The following AGPAT4 variants were observed in gnomAD, a reference collection of about 807,000 sequenced individuals.
AGPAT4 encodes the protein 1-acylglycerol-3-phosphate O-acyltransferase 4.
In AGPAT4, 15 loss-of-function variants were observed where a neutral mutation model predicts 48.0. The ratio of observed to expected loss-of-function variants is 0.31; its 90% CI spans 0.21 to 0.48. AGPAT4 has a LOEUF of 0.48. Among genes scored for constraint, AGPAT4 ranks in the 20% least tolerant of loss-of-function variants. The probability of loss-of-function intolerance (pLI) is 0.99; values close to 1 mark genes in which losing one functional copy is unlikely to be tolerated. For synonymous variants in AGPAT4, 178 were observed against 198.7 expected (o/e 0.90, Z 0.88); for missense variants, 314 against 482.5 (o/e 0.65, Z 3.27).
chr6:161,168,703 C>T (rs1780181497), intron 2 of AGPAT4, among the ~76,000 whole-genome samples: 1 of 152,176 alleles, frequency 6.6e-6, no homozygotes, highest in African/African-American at 2.4e-5. Context: ...ATCCTGGCAC[C>T]CCTCCAGCTT....
rs905735649 is a variant in AGPAT4, at chr6:161,142,538, G to A, written c.844-2918C>T. On this transcript the variant is annotated intron_variant, in intron 7 of 8. Coordinates refer to ENST00000320285, the MANE Select transcript of AGPAT4 (RefSeq NM_020133.3). This position sits in a 1 kb window ranked among gnomAD's most constrained non-coding sequence, Gnocchi z 6.4. ...TCCTATTGAGAGGCGGCAGATCCCC[G>A]GACGAACGCCCCCTGCAGCCCGCAA... Among the ~76,000 whole-genome samples the A allele has an allele frequency of 2.0e-5, 3 of 152,122 alleles. No homozygotes were observed. Among genetic ancestry groups the A allele is most frequent in the Non-Finnish European group, 4.4e-5 (3 of 68,040 alleles).
In AGPAT4 at chr6:161,203,388, T is replaced by C. The variant is rs1458290913; in HGVS notation, c.178+28648A>G. Among the ~76,000 whole-genome samples the C allele has an allele frequency of 7.6e-4, 111 of 146,160 alleles. 2 individuals carry two copies. The highest frequency in any genetic ancestry group is 1.6e-3 in the African/African-American group (65 of 40,038). On this transcript the variant is annotated intron_variant, in intron 2 of 8. Transcript: ENST00000320285. Reference sequence around the variant, plus strand: ...AGAGTGTTCTTTTTCTTTCTTTTTTTTTTTTTTTTTTTTTTTTGAGACAGA... The same window carrying C: ...AGAGTGTTCTTTTTCTTTCTTTTTTCTTTTTTTTTTTTTTTTTGAGACAGA...
intron 1 of AGPAT4, among the ~76,000 whole-genome samples, chr6:161,252,874 G>A (rs1322538272): frequency 6.6e-6 from 1 of 152,014 alleles, no homozygotes; most frequent in African/African-American, 2.4e-5. Flanking sequence ...AAAACAATGA[G>A]GAAGTGTGTT....
chr6:161,144,391 T>C lies in AGPAT4; in HGVS notation c.843+2133A>G, dbSNP rs1471102881. ...CATCAGTAGTGTAAGAGCTTTGGAGTAGATGATCACTTTGAGAACCCTACC... is the reference window on the plus strand; with the variant it reads ...CATCAGTAGTGTAAGAGCTTTGGAGCAGATGATCACTTTGAGAACCCTACC... On this transcript the variant is annotated intron_variant, in intron 7 of 8. Coordinates refer to ENST00000320285, the MANE Select transcript of AGPAT4 (RefSeq NM_020133.3). The surrounding 1 kb of genome is among the most constrained non-coding windows in gnomAD (Gnocchi z 6.6). 8.7e-6 allele frequency: 3 copies of C among 342,918 alleles called. No homozygotes were observed. The highest frequency in any genetic ancestry group is 1.7e-5 in the Non-Finnish European group (3 of 171,474). The allele number at this position is 342,918 out of a possible 1,614,324, so 21.2% of individuals were successfully genotyped here.
rs1025065123 is a variant in AGPAT4 at position 161,235,225 on chromosome 6, A to G, written c.-89-2923T>C. On this transcript the variant is annotated intron_variant, in intron 1 of 8. Coordinates refer to ENST00000320285, the MANE Select transcript of AGPAT4 (RefSeq NM_020133.3). The surrounding 1 kb of genome is among the most constrained non-coding windows in gnomAD (Gnocchi z 6.2). Reference sequence around the variant, plus strand: ...TCTGCACCTCAGTTTTTCTATCAGTAAAAAGGGACAACAGATTCTAATCAA... The same window carrying G: ...TCTGCACCTCAGTTTTTCTATCAGTGAAAAGGGACAACAGATTCTAATCAA... 1.1e-4 allele frequency among the ~76,000 whole-genome samples: 17 copies of G among 152,168 alleles called. No homozygotes were observed. Among genetic ancestry groups the G allele is most frequent in the African/African-American group, 4.1e-4 (17 of 41,440 alleles).
At chr6:161,167,764 G>A (rs904341288) in intron 2 of AGPAT4, among the ~76,000 whole-genome samples, 1 of 152,214 alleles carries the variant, frequency 6.6e-6, no homozygotes, top group Admixed American at 6.5e-5. Flanking sequence ...TACGCAGTGA[G>A]CACTGCGGGA....
At chr6:161,150,291 G>A (rs1004211656) in intron 5 of AGPAT4, among the ~76,000 whole-genome samples, 12 of 152,300 alleles carry the variant, frequency 7.9e-5, no homozygotes, top group South Asian at 4.1e-4. Context: ...TTTTCCCACC[G>A]GTGGGATCTT....
In AGPAT4 at chr6:161,140,106, C is replaced by A. The variant is rs939597923; in HGVS notation, c.844-486G>T. Among the ~76,000 whole-genome samples, 1 of 152,238 alleles carries A rather than the reference C, an allele frequency of 6.6e-6. No individual in the cohort carries two copies. The highest frequency in any genetic ancestry group is 1.5e-5 in the Non-Finnish European group (1 of 68,044). ...GCCCAGCCCGGCCCGGCACATGCCC[C>A]GCCTTCCCGGCCTCCACAGCCAGTT... On this transcript the variant is annotated intron_variant, in intron 7 of 8. Transcript: ENST00000320285. The surrounding 1 kb of genome is among the most constrained non-coding windows in gnomAD (Gnocchi z 6.5).
rs192627571 is a variant in AGPAT4, at chr6:161,221,509, A to G, written c.178+10527T>C. 1.3e-5 allele frequency among the ~76,000 whole-genome samples: 2 copies of G among 152,362 alleles called. No homozygotes were observed. The highest frequency in any genetic ancestry group is 3.9e-4 in the East Asian group (2 of 5,182). ...GGGAGAGGAGAGAGAAATAGATACC[A>G]TATTAATGTGTCATTTATCACGAAA... On this transcript the variant is annotated intron_variant, in intron 2 of 8. Transcript: ENST00000320285. This position sits in a 1 kb window ranked among gnomAD's most constrained non-coding sequence, Gnocchi z 4.5.
Position 161,232,283 on chromosome 6 carries a change from T to C in AGPAT4, c.-70A>G. The stretch of plus-strand genomic sequence containing the variant: ...CAAAGATTTCCAGAAGGAAGAAAGA[T>C]CCAGGACTCAGGAAGGCGTCTAAAA... On this transcript the variant is annotated 5_prime_UTR_variant, in exon 2 of 9. Coordinates refer to ENST00000320285, the MANE Select transcript of AGPAT4 (RefSeq NM_020133.3). This position sits in a 1 kb window ranked among gnomAD's most constrained non-coding sequence, Gnocchi z 6.8. The C allele has an allele frequency of 6.7e-7, 1 of 1,482,004 alleles. No homozygotes were observed. Among genetic ancestry groups the C allele is most frequent in the South Asian group, 1.3e-5 (1 of 75,684 alleles). The allele number at this position is 1,482,004 out of a possible 1,614,324, so 91.8% of individuals were successfully genotyped here.
chr6:161,189,652 C>T lies in AGPAT4; in HGVS notation c.179-23235G>A, dbSNP rs894712366. On this transcript the variant is annotated intron_variant, in intron 2 of 8. Transcript: ENST00000320285. The surrounding 1 kb of genome is among the most constrained non-coding windows in gnomAD (Gnocchi z 5.3). ...CTTGCACACGGCAGATCCAGGCCAG[C>T]TGCACATCCGTGGGCTCCTCCATCA... 3.9e-5 allele frequency among the ~76,000 whole-genome samples: 6 copies of T among 152,186 alleles called. No individual in the cohort carries two copies. The highest frequency in any genetic ancestry group is 1.4e-4 in the African/African-American group (6 of 41,442).
At chr6:161,181,860 C>T (rs181219500) in intron 2 of AGPAT4, among the ~76,000 whole-genome samples, 100 of 152,124 alleles carry the variant, frequency 6.6e-4, no homozygotes, top group African/African-American at 2.4e-3. Flanking sequence ...TGATTTTGCC[C>T]CCAAGGGGAC....
chr6:161,203,501 G>A (rs1489353804), intron 2 of AGPAT4, among the ~76,000 whole-genome samples: 2 of 147,988 alleles, frequency 1.4e-5, no homozygotes, highest in Admixed American at 6.9e-5. Flanking sequence ...CGATTCTCCT[G>A]CCCCGGCCCC....
Position 161,266,174 on chromosome 6 carries a change from C to T in AGPAT4, c.-90+7764G>A, listed in dbSNP as rs991539708. 5.2e-4 allele frequency among the ~76,000 whole-genome samples: 79 copies of T among 152,204 alleles called. No homozygotes were observed. Among genetic ancestry groups the T allele is most frequent in the Non-Finnish European group, 1.9e-4 (13 of 68,018 alleles). On this transcript the variant is annotated intron_variant, in intron 1 of 8. Coordinates refer to ENST00000320285, the MANE Select transcript of AGPAT4 (RefSeq NM_020133.3). This position sits in a 1 kb window ranked among gnomAD's most constrained non-coding sequence, Gnocchi z 6.2. ...GAGGCCAGGAATGTGGCTGAGCATC[C>T]GATTCTGCACAGGTTGGCCTCTTCC...
At chr6:161,271,281 C>A (rs182385574) in intron 1 of AGPAT4, among the ~76,000 whole-genome samples, 1 of 152,184 alleles carries the variant, frequency 6.6e-6, no homozygotes, top group Non-Finnish European at 1.5e-5. Context: ...TCCCTTGAAC[C>A]GTCTGCCTCC....
In AGPAT4 at chr6:161,202,900, C is replaced by T. The variant is rs2051814073; in HGVS notation, c.178+29136G>A. Among the ~76,000 whole-genome samples, 1 of 152,148 alleles carries T rather than the reference C, an allele frequency of 6.6e-6. No homozygotes were observed. Among genetic ancestry groups the T allele is most frequent in the African/African-American group, 2.4e-5 (1 of 41,432 alleles). On this transcript the variant is annotated intron_variant, in intron 2 of 8. Transcript: ENST00000320285. The surrounding 1 kb of genome is among the most constrained non-coding windows in gnomAD (Gnocchi z 5.4). ...GCCTGGGCTATATGGATAGGTTACT[C>T]CAGTTGACAGCCCCAGTTGAGGTCC...
At position 161,135,341 on chromosome 6, in the gene AGPAT4, G is replaced by C. The variant is rs1374435086; in HGVS notation, c.*1199C>G. 1 of 152,230 alleles carries C rather than the reference G, an allele frequency of 6.6e-6. No individual in the cohort carries two copies. Among genetic ancestry groups the C allele is most frequent in the African/African-American group, 2.4e-5 (1 of 41,466 alleles). 9.4% of individuals were successfully genotyped at this position (152,230 alleles called of 1,614,324 possible). A position where few individuals can be genotyped will look rare whatever the true frequency, so the allele number is the denominator to read the frequency against. On this transcript the variant is annotated 3_prime_UTR_variant, in exon 9 of 9. Coordinates refer to ENST00000320285, the MANE Select transcript of AGPAT4 (RefSeq NM_020133.3). ...TAAGATGATTTAATAGCTAGCATTT[G>C]TTCTGCAAAAATAGCACTGCTTTTA...
rs1468002246 is a variant in AGPAT4, at chr6:161,206,434, C to T, written c.178+25602G>A. Among the ~76,000 whole-genome samples the T allele has an allele frequency of 6.6e-6, 1 of 152,168 alleles. No individual in the cohort carries two copies. The highest frequency in any genetic ancestry group is 1.9e-4 in the East Asian group (1 of 5,198). Reference sequence around the variant, plus strand: ...AATCTGAACTCCCACCTTTGCACAGCAGTAATGAGACACCCTTCTCCCATC... The same window carrying T: ...AATCTGAACTCCCACCTTTGCACAGTAGTAATGAGACACCCTTCTCCCATC... On this transcript the variant is annotated intron_variant, in intron 2 of 8. Transcript: ENST00000320285. The surrounding 1 kb of genome is among the most constrained non-coding windows in gnomAD (Gnocchi z 4.8).
rs555227614 is a variant in AGPAT4, at chr6:161,267,679, G to A, written c.-90+6259C>T. ...AGAGGTTGCAGTGAGCCAAGACTGCGCCATTGCACTCCAGCCTGGGCAACA... is the reference window on the plus strand; with the variant it reads ...AGAGGTTGCAGTGAGCCAAGACTGCACCATTGCACTCCAGCCTGGGCAACA... On this transcript the variant is annotated intron_variant, in intron 1 of 8. Transcript: ENST00000320285. The surrounding 1 kb of genome is among the most constrained non-coding windows in gnomAD (Gnocchi z 5.2). 1.4e-4 allele frequency among the ~76,000 whole-genome samples: 22 copies of A among 151,788 alleles called. No individual in the cohort carries two copies. Among genetic ancestry groups the A allele is most frequent in the Admixed American group, 2.6e-4 (4 of 15,232 alleles).
Sources: gnomAD v4.1 joint callset for allele counts (sites outside exome capture counted in the v4.1 genomes callset) on GRCh38, gnomAD v4.1.1 for gene constraint, Gnocchi (gnomAD v3.1) non-coding constraint, MANE v1.5 for transcripts, NCBI Gene and HGNC (gene_info 2026-07-23, HGNC 2026-07-21) for gene names.